The following TCF4 variants were observed in gnomAD, a reference collection of about 807,000 sequenced individuals.
TCF4 encodes the protein SL3-3 enhancer factor 2.
Under a neutral mutation model 82.1 loss-of-function variants are expected in TCF4, and 3 were observed. The observed-to-expected ratio is 0.04, with a 90% CI of 0.02 to 0.09. The LOEUF is 0.09. Among genes scored for constraint, TCF4 ranks in the 10% least tolerant of loss-of-function variants. TCF4 has a pLI of 1.00. For missense variants in TCF4, 518 were observed against 852.7 expected (o/e 0.61, Z 4.89); for synonymous variants, 276 against 309.6 (o/e 0.89, Z 1.14).
chr18:55,295,257 C>T (rs2066185676), intron 8 of TCF4, among the ~76,000 whole-genome samples: 2 of 152,148 alleles, frequency 1.3e-5, no homozygotes, highest in Non-Finnish European at 2.9e-5. Context: ...TCTGAAATCT[C>T]CCAGGCTGCA....
At chr18:55,513,857 A>C (rs1223236513) in intron 3 of TCF4, among the ~76,000 whole-genome samples, 1 of 152,186 alleles carries the variant, frequency 6.6e-6, no homozygotes, top group African/African-American at 2.4e-5. Context: ...GTTCTCTTTG[A>C]AAATACATAT....
intron 3 of TCF4, among the ~76,000 whole-genome samples, chr18:55,520,260 G>A (rs910716434): frequency 1.5e-4 from 23 of 151,832 alleles, no homozygotes; most frequent in African/African-American, 3.1e-4. Context: ...TTATCATCTC[G>A]GCATTGATAA....
intron 3 of TCF4, among the ~76,000 whole-genome samples, chr18:55,481,833 T>C (rs1460712445): frequency 6.6e-6 from 1 of 152,212 alleles, no homozygotes; most frequent in South Asian, 2.1e-4. Flanking sequence ...GCCTAATGAC[T>C]GCGATACGTT....
At chr18:55,586,481 A>C (rs1202090365) in intron 2 of TCF4, among the ~76,000 whole-genome samples, 2 of 152,192 alleles carry the variant, frequency 1.3e-5, no homozygotes, top group Non-Finnish European at 2.9e-5. Flanking sequence ...AAATTTACCA[A>C]AACAGTCCAA....
chr18:55,499,617 A>C (rs2096674808), intron 3 of TCF4, among the ~76,000 whole-genome samples: 1 of 152,186 alleles, frequency 6.6e-6, no homozygotes, highest in Non-Finnish European at 1.5e-5. Context: ...GTGGGGTCAA[A>C]CATCAGTATT....
At chr18:55,464,908 C>T (rs2095976410) in intron 3 of TCF4, among the ~76,000 whole-genome samples, 1 of 152,154 alleles carries the variant, frequency 6.6e-6, no homozygotes, top group South Asian at 2.1e-4. Context: ...AGTTTTAATG[C>T]TGAGTAGATT....
At position 55,498,738 on chromosome 18, in the gene TCF4, T is replaced by C. The variant is rs574732440; in HGVS notation, c.146-34601A>G. Among the ~76,000 whole-genome samples the C allele has an allele frequency of 5.3e-5, 8 of 152,252 alleles. No homozygotes were observed. The South Asian group carries it at 1.5e-3, about 28-fold the overall frequency. Reference sequence around the variant, plus strand: ...CACTTCTAGCACCAATGGCTTAGTGTTGTAAGAGTGTCTTTGCTCAGTAAC... The same window carrying C: ...CACTTCTAGCACCAATGGCTTAGTGCTGTAAGAGTGTCTTTGCTCAGTAAC... On this transcript the variant is annotated intron_variant, in intron 3 of 19. Transcript: ENST00000354452.
At chr18:55,376,547 T>C (rs928147139) in intron 6 of TCF4, among the ~76,000 whole-genome samples, 4 of 152,170 alleles carry the variant, frequency 2.6e-5, no homozygotes, top group African/African-American at 4.8e-5. Context: ...ACTTCTTTGT[T>C]TCCTGCTCAA....
intron 8 of TCF4, among the ~76,000 whole-genome samples, chr18:55,343,093 G>A (rs951774343): frequency 1.3e-5 from 2 of 151,992 alleles, no homozygotes; most frequent in African/African-American, 4.8e-5. Flanking sequence ...AATCCCTAAT[G>A]GTAACAGTGA....
At chr18:55,576,772 C>T (rs181899214) in intron 3 of TCF4, among the ~76,000 whole-genome samples, 2 of 152,224 alleles carry the variant, frequency 1.3e-5, no homozygotes, top group Admixed American at 1.3e-4. Context: ...CACATTTTTA[C>T]TTTTCTATTT....
At chr18:55,296,243 C>T (rs2146770915) in intron 8 of TCF4, among the ~76,000 whole-genome samples, 1 of 152,172 alleles carries the variant, frequency 6.6e-6, no homozygotes, top group African/African-American at 2.4e-5. Context: ...AGGATTTCAT[C>T]CAAGTGCATG....
upstream of TCF4, chr18:55,589,692 A>C (rs185529593): frequency 4.0e-4 from 418 of 1,033,738 alleles, 1 homozygote; most frequent in African/African-American, 1.1e-3. Flanking sequence ...CATCATCATC[A>C]TCCTCCTCCT....
intron 8 of TCF4, among the ~76,000 whole-genome samples, chr18:55,314,559 T>C (rs2073551347): frequency 8.3e-6 from 1 of 120,640 alleles, no homozygotes; most frequent in Non-Finnish European, 1.6e-5. Context: ...ATACAGTATT[T>C]ATTCTCCTTA....
chr18:55,416,866 G>A (rs1022149393), intron 5 of TCF4, among the ~76,000 whole-genome samples: 3 of 152,162 alleles, frequency 2.0e-5, no homozygotes, highest in African/African-American at 7.2e-5. Context: ...TGGCATATAG[G>A]TCACTCTCTT....
At chr18:55,410,074 G>A (rs2094281334) in intron 5 of TCF4, among the ~76,000 whole-genome samples, 1 of 152,060 alleles carries the variant, frequency 6.6e-6, no homozygotes, top group South Asian at 2.1e-4. Context: ...CAACAACCTA[G>A]GAAATCCTAT....
rs1418175445 is a variant in TCF4 at position 55,228,037 on chromosome 18, A to C, written c.*5-7T>G. ...GCAATGTGGCAACTTGGACCTGAGA[A>C]AGGAAAAAAGAGAGAAAAAATTCAT... is the stretch of plus-strand genomic sequence containing the variant. On this transcript the variant is annotated splice_region_variant and splice_polypyrimidine_tract_variant and intron_variant, in intron 19 of 19. Coordinates refer to ENST00000354452, the MANE Select transcript of TCF4 (RefSeq NM_001083962.2). 5 of 721,590 alleles carry C rather than the reference A, an allele frequency of 6.9e-6. No homozygotes were observed. In the East Asian group the frequency reaches 1.5e-4, roughly 21 times the overall value. 44.7% of individuals were successfully genotyped at this position (721,590 alleles called of 1,614,324 possible).
At chr18:55,320,102 A>G (rs1024483449) in intron 8 of TCF4, among the ~76,000 whole-genome samples, 8 of 152,192 alleles carry the variant, frequency 5.3e-5, no homozygotes, top group African/African-American at 1.9e-4. Flanking sequence ...AAGGTGCTGA[A>G]TAAGTTATGT....
intron 5 of TCF4, among the ~76,000 whole-genome samples, chr18:55,453,448 G>A (rs1280692313): frequency 1.3e-5 from 2 of 152,182 alleles, no homozygotes; most frequent in East Asian, 1.9e-4. Context: ...TTACTTTTAT[G>A]TGAAGCTTAA....
At chr18:55,347,337 C>A (rs566000960) in intron 8 of TCF4, among the ~76,000 whole-genome samples, 1 of 152,108 alleles carries the variant, frequency 6.6e-6, no homozygotes, top group East Asian at 1.9e-4. Context: ...CACAGGCTTT[C>A]CTTTAAAAAA....
Sources: gnomAD v4.1 joint callset for allele counts (sites outside exome capture counted in the v4.1 genomes callset) on GRCh38, gnomAD v4.1.1 for gene constraint, MANE v1.5 for transcripts, NCBI Gene and HGNC (gene_info 2026-07-23, HGNC 2026-07-21) for gene names.